Variants in DYNC1I1 observed in about 807,000 individuals in gnomAD.
The protein encoded by DYNC1I1 is cytoplasmic dynein 1 intermediate chain 1.
A neutral mutation model predicts 86.6 loss-of-function variants in DYNC1I1; 43 were observed. The observed-to-expected ratio is 0.50, with a 90% CI of 0.39 to 0.64. The LOEUF is 0.64. Among genes scored for constraint, DYNC1I1 ranks in the 30% least tolerant of loss-of-function variants. The pLI, the probability that DYNC1I1 is intolerant of heterozygous loss-of-function variation, is 0.00. For synonymous variants in DYNC1I1, 262 were observed against 283.7 expected (o/e 0.92, Z 0.77); for missense variants, 604 against 788.8 (o/e 0.77, Z 2.81).
intron 1 of DYNC1I1, among the ~76,000 whole-genome samples, chr7:95,792,247 C>T (rs918957121): frequency 2.6e-5 from 4 of 152,070 alleles, no homozygotes; most frequent in African/African-American, 4.8e-5. Flanking sequence ...CTAACAGCAC[C>T]GGTGAGGGGT....
chr7:96,054,185 G>C (rs1789500444), intron 14 of DYNC1I1, among the ~76,000 whole-genome samples: 1 of 152,074 alleles, frequency 6.6e-6, no homozygotes, highest in Non-Finnish European at 1.5e-5. Flanking sequence ...CCCTTTCTGT[G>C]TCCATATGTT....
downstream of DYNC1I1, among the ~76,000 whole-genome samples, chr7:96,101,992 G>A (rs1166149124): frequency 6.6e-6 from 1 of 151,746 alleles, no homozygotes; most frequent in Non-Finnish European, 1.5e-5. Flanking sequence ...ATGGATCTTG[G>A]AGAATAACTG....
At chr7:96,013,230 G>A (rs1794320018) in intron 10 of DYNC1I1, among the ~76,000 whole-genome samples, 1 of 152,088 alleles carries the variant, frequency 6.6e-6, no homozygotes, top group Non-Finnish European at 1.5e-5. Context: ...AGAGAGACTT[G>A]ACCAACCCTT....
At position 95,977,676 on chromosome 7, in the gene DYNC1I1, T is replaced by C. The variant is rs377029695; in HGVS notation, c.580+75T>C. Reference sequence around the variant, plus strand: ...TTGCCTTTACTAATATAAGAGACTATAGAGCTAAGTAAAAATTGAATTTGC... The same window carrying C: ...TTGCCTTTACTAATATAAGAGACTACAGAGCTAAGTAAAAATTGAATTTGC... On this transcript the variant is annotated intron_variant, in intron 7 of 16. Coordinates refer to ENST00000447467, the MANE Select transcript of DYNC1I1 (RefSeq NM_001135556.2). The C allele has an allele frequency of 2.9e-6, 4 of 1,358,280 alleles. No individual in the cohort carries two copies. The African/African-American group carries it at 4.4e-5, about 15-fold the overall frequency. 84.1% of individuals were successfully genotyped at this position (1,358,280 alleles called of 1,614,324 possible).
At chr7:95,874,131 T>C (rs958588597) in intron 6 of DYNC1I1, among the ~76,000 whole-genome samples, 3 of 152,340 alleles carry the variant, frequency 2.0e-5, no homozygotes, top group African/African-American at 7.2e-5. Flanking sequence ...TCAATAGCAG[T>C]GAAAATTTGA....
chr7:95,860,724 G>A (rs1002770099), intron 5 of DYNC1I1, among the ~76,000 whole-genome samples: 1 of 152,102 alleles, frequency 6.6e-6, no homozygotes, highest in Admixed American at 6.5e-5. Context: ...ACAAGGTACT[G>A]GCATTTGGTG....
At chr7:95,969,646 A>G (rs976128961) in intron 6 of DYNC1I1, among the ~76,000 whole-genome samples, 6 of 152,160 alleles carry the variant, frequency 3.9e-5, no homozygotes, top group Admixed American at 1.3e-4. Context: ...CAGTGCTCTT[A>G]CAAGTTTCAG....
rs42083 is a variant in DYNC1I1 at position 96,080,290 on chromosome 7, C to A, written c.1651-73C>A. Reference sequence around the variant, plus strand: ...GCAGTTGGTGACTCATCCAGTTAAACGTATTATTGTAAATTTGTATATTTA... The same window carrying A: ...GCAGTTGGTGACTCATCCAGTTAAAAGTATTATTGTAAATTTGTATATTTA... On this transcript the variant is annotated intron_variant, in intron 15 of 16. Coordinates refer to ENST00000447467, the MANE Select transcript of DYNC1I1 (RefSeq NM_001135556.2). 3 of 1,498,326 alleles carry A rather than the reference C, an allele frequency of 2.0e-6. No homozygotes were observed. The African/African-American group carries it at 4.3e-5, about 21-fold the overall frequency. 92.8% of individuals were successfully genotyped at this position (1,498,326 alleles called of 1,614,324 possible). A position where few individuals can be genotyped will look rare whatever the true frequency, so the allele number is the denominator to read the frequency against.
At chr7:96,047,451 C>T (rs1005489988) in intron 14 of DYNC1I1, among the ~76,000 whole-genome samples, 2 of 152,056 alleles carry the variant, frequency 1.3e-5, no homozygotes, top group African/African-American at 2.4e-5. Flanking sequence ...GGTGCTGAGG[C>T]GTGAGAACAG....
chr7:96,064,356 C>T (rs1789893363), intron 14 of DYNC1I1, among the ~76,000 whole-genome samples: 1 of 151,976 alleles, frequency 6.6e-6, no homozygotes, highest in African/African-American at 2.4e-5. Flanking sequence ...ATTAATCAGA[C>T]ATTTAATTTC....
chr7:95,981,132 T>C (rs1562962443), intron 7 of DYNC1I1, among the ~76,000 whole-genome samples: 1 of 152,082 alleles, frequency 6.6e-6, no homozygotes, highest in Non-Finnish European at 1.5e-5. Flanking sequence ...TAAAATATCT[T>C]TTAACAGAAA....
intron 10 of DYNC1I1, among the ~76,000 whole-genome samples, chr7:96,026,204 A>G (rs1159240112): frequency 1.3e-5 from 2 of 152,178 alleles, no homozygotes; most frequent in African/African-American, 4.8e-5. Flanking sequence ...CCATTGAATC[A>G]TGTTCAAGGA....
At chr7:95,972,813 A>G (rs999542080) in intron 6 of DYNC1I1, among the ~76,000 whole-genome samples, 6 of 152,210 alleles carry the variant, frequency 3.9e-5, no homozygotes, top group Non-Finnish European at 7.3e-5. Context: ...TGATTGCTGC[A>G]TAATATGTAG....
chr7:95,833,024 T>A (rs1323560031), intron 5 of DYNC1I1, among the ~76,000 whole-genome samples: 1 of 149,686 alleles, frequency 6.7e-6, no homozygotes, highest in Non-Finnish European at 1.5e-5. Context: ...TTTTGGTGTT[T>A]TAGACATGAA....
chr7:96,069,921 T>C (rs1790110528), intron 14 of DYNC1I1, among the ~76,000 whole-genome samples: 1 of 152,206 alleles, frequency 6.6e-6, no homozygotes, highest in Non-Finnish European at 1.5e-5. Flanking sequence ...TCTTTCAAAT[T>C]GTTTCATATT....
In DYNC1I1 at chr7:96,097,989, A is replaced by G; in HGVS notation, c.*396A>G. 1 of 999,768 alleles carries G rather than the reference A, an allele frequency of 1.0e-6. No individual in the cohort carries two copies. 61.9% of individuals were successfully genotyped at this position (999,768 alleles called of 1,614,324 possible). On this transcript the variant is annotated 3_prime_UTR_variant, in exon 17 of 17. Transcript: ENST00000447467. ...TGGGTGCAGATGTGGTGTTCCTCAT[A>G]TTATGGTACAGGGCCAAAGACTTGA...
chr7:96,037,961 C>T (rs934418892), intron 13 of DYNC1I1, among the ~76,000 whole-genome samples: 1 of 152,136 alleles, frequency 6.6e-6, no homozygotes, highest in Non-Finnish European at 1.5e-5. Context: ...TGCAAATCCA[C>T]TTCCATAAAT....
intron 6 of DYNC1I1, among the ~76,000 whole-genome samples, chr7:95,927,095 C>T (rs1424696050): frequency 2.6e-5 from 4 of 152,046 alleles, no homozygotes; most frequent in African/African-American, 9.7e-5. Flanking sequence ...ATTCTGTTTA[C>T]AGATGATTTT....
intron 1 of DYNC1I1, among the ~76,000 whole-genome samples, chr7:95,786,180 C>T (rs1251601888): frequency 6.6e-6 from 1 of 151,996 alleles, no homozygotes; most frequent in African/African-American, 2.4e-5. Context: ...GAGTGTGGCA[C>T]CAAACATTCC....
Sources: allele counts gnomAD v4.1 joint callset (sites outside exome capture counted in the v4.1 genomes callset), GRCh38; gene constraint gnomAD v4.1.1; transcripts MANE v1.5; gene names NCBI Gene and HGNC (gene_info 2026-07-23, HGNC 2026-07-21).